The following SRGAP2C variants were observed in gnomAD, a reference collection of about 807,000 sequenced individuals.
SRGAP2C encodes SLIT-ROBO Rho GTPase activating protein 2C.
A neutral mutation model predicts 25.1 loss-of-function variants in SRGAP2C; 15 were observed. The ratio of observed to expected loss-of-function variants is 0.60; its 90% CI spans 0.40 to 0.92. The LOEUF (loss-of-function observed/expected upper bound fraction) is 0.92, where lower values mean the gene tolerates loss of function less well. Among genes scored for constraint, SRGAP2C ranks in the 40% least tolerant of loss-of-function variants. The pLI is 0.00. For missense variants in SRGAP2C, 144 were observed against 264.4 expected (o/e 0.54, Z 3.16); for synonymous variants, 44 against 96.6 (o/e 0.46, Z 3.19).
At chr1:121,359,427 G>C (rs1454809449) in intron 4 of SRGAP2C, among the ~76,000 whole-genome samples, 1 of 149,544 alleles carries the variant, frequency 6.7e-6, no homozygotes, top group Admixed American at 6.7e-5. Context: ...GGATCTTTAG[G>C]CCAGGAGTTT....
intron 2 of SRGAP2C, among the ~76,000 whole-genome samples, chr1:121,227,311 T>C (rs1655700865): frequency 6.6e-6 from 1 of 152,178 alleles, no homozygotes; most frequent in Non-Finnish European, 1.5e-5. Flanking sequence ...TTATCTGGTT[T>C]CTGTCCCTGA....
chr1:121,189,096 CTTTTTTT>C (rs1172103186), intron 2 of SRGAP2C, among the ~76,000 whole-genome samples: 3 of 29,060 alleles, frequency 1.0e-4, no homozygotes, highest in Admixed American at 4.6e-4. Flanking sequence ...CCAGATATGT[CTTTTTTT>C]TTTTTTTTTT....
chr1:121,374,984 C>T (rs782565027), intron 7 of SRGAP2C, 30 bp downstream of exon 7: 2 of 767,658 alleles, frequency 2.6e-6, no homozygotes, highest in Non-Finnish European at 4.9e-6. Flanking sequence ...GGCCTGAGGG[C>T]CCCTCTTTTC....
intron 4 of SRGAP2C, among the ~76,000 whole-genome samples, chr1:121,331,826 A>C (rs1658439683): frequency 1.3e-5 from 2 of 151,112 alleles, no homozygotes; most frequent in Non-Finnish European, 3.0e-5. Flanking sequence ...CAATGAGTAC[A>C]TTCTGTATGA....
At chr1:121,378,292 C>T (rs1659720544) in intron 7 of SRGAP2C, among the ~76,000 whole-genome samples, 1 of 94,936 alleles carries the variant, frequency 1.1e-5, no homozygotes, top group Non-Finnish European at 2.1e-5. Flanking sequence ...CAAATTTGTA[C>T]ATCTTTGTAA....
chr1:121,343,198 A>G (rs1658670537), intron 4 of SRGAP2C, among the ~76,000 whole-genome samples: 2 of 151,854 alleles, frequency 1.3e-5, no homozygotes, highest in South Asian at 2.1e-4. Flanking sequence ...AAACATTGAT[A>G]TATCAGCATT....
rs2486518 is a variant in SRGAP2C, at chr1:121,390,899, G to A, written c.*3044G>A. On this transcript the variant is annotated 3_prime_UTR_variant, in exon 10 of 10. Transcript: ENST00000367123. ...CTACTAAAAACACAAAAATTAGCTG[G>A]GTGTGGTGGCAGGCGCCTGTAATCC... 2 of 148,346 alleles carry A rather than the reference G, an allele frequency of 1.3e-5. No individual in the cohort carries two copies. The highest frequency in any genetic ancestry group is 5.0e-5 in the African/African-American group (2 of 40,008). The allele number at this position is 148,346 out of a possible 1,614,324, so 9.2% of individuals were successfully genotyped here.
At chr1:121,323,468 T>C (rs1658252101) in intron 3 of SRGAP2C, among the ~76,000 whole-genome samples, 1 of 145,878 alleles carries the variant, frequency 6.9e-6, no homozygotes, top group East Asian at 2.0e-4. Flanking sequence ...ATACAAAAGT[T>C]AGCTGGGCGT....
intron 4 of SRGAP2C, among the ~76,000 whole-genome samples, chr1:121,339,313 G>A (rs1340421611): frequency 9.3e-4 from 137 of 147,084 alleles, no homozygotes; most frequent in African/African-American, 2.7e-3. Context: ...GTACAGTGGC[G>A]TGATCTTGGC....
chr1:121,335,386 A>ATAAT (rs1252416693), intron 4 of SRGAP2C, among the ~76,000 whole-genome samples: 4,419 of 139,404 alleles, frequency 0.032, 1 homozygote, highest in African/African-American at 0.11. Context: ...AAATAAATAA[A>ATAAT]TAAAACAACC....
chr1:121,289,402 C>T lies in SRGAP2C; in HGVS notation c.260+4407C>T, dbSNP rs1481982982. Among the ~76,000 whole-genome samples the T allele has an allele frequency of 3.4e-3, 504 of 149,724 alleles. 6 individuals carry two copies. Among genetic ancestry groups the T allele is most frequent in the African/African-American group, 0.011 (456 of 40,828 alleles). On this transcript the variant is annotated intron_variant, in intron 3 of 9. Transcript: ENST00000367123. Reference sequence around the variant, plus strand: ...CAGGGCTGGCTGGCTGCTCCGAGTGCGGGGCCCACCAAGCCCACGCCCACC... The same window carrying T: ...CAGGGCTGGCTGGCTGCTCCGAGTGTGGGGCCCACCAAGCCCACGCCCACC...
intron 3 of SRGAP2C, among the ~76,000 whole-genome samples, chr1:121,310,939 G>GT (rs1657967952): frequency 3.2e-5 from 1 of 31,494 alleles, no homozygotes; most frequent in Non-Finnish European, 6.1e-5. Context: ...CTTTAAAGTA[G>GT]TTTTTTCCAA....
intron 2 of SRGAP2C, among the ~76,000 whole-genome samples, chr1:121,213,321 C>G (rs1276745743): frequency 2.1e-4 from 32 of 150,240 alleles, no homozygotes; most frequent in Non-Finnish European, 3.4e-4. Flanking sequence ...GTTGGGAGTA[C>G]AGATGTAAGT....
At chr1:121,370,269 A>G (rs1361962845) in intron 5 of SRGAP2C, among the ~76,000 whole-genome samples, 1 of 118,608 alleles carries the variant, frequency 8.4e-6, no homozygotes, top group Non-Finnish European at 1.8e-5. Flanking sequence ...CCATCTCAAA[A>G]TTTAACATAG....
At chr1:121,253,700 G>C (rs1329405783) in intron 2 of SRGAP2C, among the ~76,000 whole-genome samples, 18 of 151,220 alleles carry the variant, frequency 1.2e-4, no homozygotes, top group African/African-American at 4.3e-4. Flanking sequence ...CCTGAAACAG[G>C]AGGCGAGTTA....
At chr1:121,228,868 C>T (rs587682184) in intron 2 of SRGAP2C, among the ~76,000 whole-genome samples, 1 of 151,230 alleles carries the variant, frequency 6.6e-6, no homozygotes, top group Non-Finnish European at 1.5e-5. Context: ...TTTGGTTGCC[C>T]AACTCTGAAG....
intron 3 of SRGAP2C, among the ~76,000 whole-genome samples, chr1:121,309,613 C>T (rs1657934761): frequency 6.6e-6 from 1 of 150,612 alleles, no homozygotes; most frequent in Admixed American, 6.6e-5. Flanking sequence ...GTGATATTCC[C>T]CTTCCTGTGT....
chr1:121,263,641 G>C (rs1194559929), intron 2 of SRGAP2C, among the ~76,000 whole-genome samples: 4 of 151,646 alleles, frequency 2.6e-5, no homozygotes, highest in Non-Finnish European at 4.4e-5. Flanking sequence ...ATTCACTTTT[G>C]TCAGCTGCAT....
In SRGAP2C at chr1:121,363,083, GAA is replaced by G. The variant is rs1659239785; in HGVS notation, c.424-2207_424-2206del. Among the ~76,000 whole-genome samples the G allele has an allele frequency of 2.0e-5, 3 of 151,880 alleles. No homozygotes were observed. In the South Asian group the frequency reaches 6.3e-4, roughly 32 times the overall value. On this transcript the variant is annotated intron_variant, in intron 4 of 9. Coordinates refer to ENST00000367123, the MANE Select transcript of SRGAP2C (RefSeq NM_001329984.2). ...TAGAATCATAGAATGGCAGAGGTTG[GAA>G]AAGACTTTAGAAATGTTTTAGCAGA...
Sources: allele counts gnomAD v4.1 joint callset (sites outside exome capture counted in the v4.1 genomes callset), GRCh38; gene constraint gnomAD v4.1.1; transcripts MANE v1.5; gene names NCBI Gene and HGNC (gene_info 2026-07-23, HGNC 2026-07-21).